HOATZ: variants seen among roughly 807,000 people sequenced by gnomAD.
HOATZ encodes cilia- and flagella-associated protein HOATZ.
HOATZ carries 26 observed loss-of-function variants against 24.9 expected under a neutral mutation model. The ratio of observed to expected loss-of-function variants is 1.04; its 90% CI spans 0.76 to 1.45. HOATZ has a LOEUF of 1.45. Ranked by LOEUF, HOATZ falls within the 40% of genes most tolerant of loss-of-function variation. The pLI, the probability that HOATZ is intolerant of heterozygous loss-of-function variation, is 0.00. For synonymous variants in HOATZ, 83 were observed against 76.6 expected (o/e 1.08, Z -0.43); for missense variants, 226 against 201.5 (o/e 1.12, Z -0.74).
Position 111,515,003 on chromosome 11 carries a change from AG to A in HOATZ, c.222del (p.Ser75LeufsTer25). The A allele has an allele frequency of 1.2e-6, 2 of 1,612,334 alleles. No homozygotes were observed. The highest frequency in any genetic ancestry group is 1.7e-6 in the Non-Finnish European group (2 of 1,179,542). On this transcript the variant is annotated frameshift_variant, in exon 1 of 6. Coordinates refer to ENST00000375618, the MANE Select transcript of HOATZ (RefSeq NM_001100388.2). LOFTEE classifies it high-confidence loss of function. Reference sequence around the variant, plus strand: ...CGGTGGCGCGGCCCAGGAGGAGCAGAGGGTCTGGTGAGTAGAATAGCGGCCT... The same window carrying A: ...CGGTGGCGCGGCCCAGGAGGAGCAGAGGTCTGGTGAGTAGAATAGCGGCCT... Reference protein sequence around the residue: ...LPVARPRRSRGSENSHSSQSF... With the variant: ...LPVARPRRSRXSENSHSSQSF...
intron 3 of HOATZ, among the ~76,000 whole-genome samples, chr11:111,528,197 G>A (rs1867359790): frequency 6.6e-6 from 1 of 152,062 alleles, no homozygotes; most frequent in Non-Finnish European, 1.5e-5. Flanking sequence ...ACTAAGCGTG[G>A]TGGCATGTGC....
intron 3 of HOATZ, 149 bp from the exon 4 acceptor site, chr11:111,533,597 T>G (rs1347414561): frequency 2.6e-5 from 13 of 507,188 alleles, no homozygotes; most frequent in Non-Finnish European, 4.4e-5. Context: ...AACAGGATTT[T>G]GGCACAAACA....
chr11:111,531,960 C>G (rs929993352), intron 3 of HOATZ, among the ~76,000 whole-genome samples: 1 of 152,178 alleles, frequency 6.6e-6, no homozygotes, highest in Non-Finnish European at 1.5e-5. Context: ...GCTTCTGGGG[C>G]TTTGCACACG....
At chr11:111,519,756 G>T (rs1867248730) in intron 3 of HOATZ, among the ~76,000 whole-genome samples, 1 of 151,914 alleles carries the variant, frequency 6.6e-6, no homozygotes, top group South Asian at 2.1e-4. Context: ...GTAAATTCCA[G>T]GTATAATTTT....
At chr11:111,530,427 A>G (rs1465314196) in intron 3 of HOATZ, among the ~76,000 whole-genome samples, 8 of 152,262 alleles carry the variant, frequency 5.3e-5, no homozygotes, top group African/African-American at 1.7e-4. Flanking sequence ...AGAACCAGAC[A>G]ATTTAACTCT....
Position 111,514,949 on chromosome 11 carries a change from G to A in HOATZ, c.165G>A (p.Val55=). ...ATCCCCCTAGCGAATCTCAGCTGGT[G>A]CTGCGCAGAGACAGCAGTCAGCGTC... is the stretch of plus-strand genomic sequence containing the variant. The part of the protein sequence containing the change: ...SMYPPSESQL[V]LRRDSSQRLP... Residue 55 remains valine, a synonymous_variant, in exon 1 of 6, where the codon GTG becomes GTA. Coordinates refer to ENST00000375618, the MANE Select transcript of HOATZ (RefSeq NM_001100388.2). 6.2e-7 allele frequency: 1 copy of A among 1,613,962 alleles called. No homozygotes were observed. Among genetic ancestry groups the A allele is most frequent in the Non-Finnish European group, 8.5e-7 (1 of 1,180,024 alleles).
At chr11:111,531,312 TC>T (rs1219732264) in intron 3 of HOATZ, among the ~76,000 whole-genome samples, 32 of 152,126 alleles carry the variant, frequency 2.1e-4, no homozygotes, top group Non-Finnish European at 3.7e-4. Context: ...TCAATTCAAT[TC>T]AATTCAACAA....
Position 111,533,693 on chromosome 11 carries a change from CGTAA to C in HOATZ, c.340-50_340-47del, listed in dbSNP as rs147855101. ...ATGGAAGAATTCTACCTTTCGTAGG[CGTAA>C]GTCTTTATTATTGAATCGAGACACC... On this transcript the variant is annotated intron_variant, in intron 3 of 5. Coordinates refer to ENST00000375618, the MANE Select transcript of HOATZ (RefSeq NM_001100388.2). The C allele has an allele frequency of 4.5e-3, 5,504 of 1,230,580 alleles. 171 individuals are homozygous for C. In the African/African-American group the frequency reaches 0.074, roughly 17 times the overall value. 76.2% of individuals were successfully genotyped at this position (1,230,580 alleles called of 1,614,324 possible). A position where few individuals can be genotyped will look rare whatever the true frequency, so the allele number is the denominator to read the frequency against.
At chr11:111,534,521 G>A in intron 5 of HOATZ, 57 bp downstream of exon 5, 2 of 1,342,214 alleles carry the variant, frequency 1.5e-6, no homozygotes, top group Non-Finnish European at 2.1e-6. Flanking sequence ...GTGTAGGGAA[G>A]CATTTCTTTT....
chr11:111,528,824 GCA>G (rs1867366202), intron 3 of HOATZ, among the ~76,000 whole-genome samples: 1 of 152,176 alleles, frequency 6.6e-6, no homozygotes, highest in Non-Finnish European at 1.5e-5. Context: ...GTGTGTGTGT[GCA>G]TGTGTCTGAA....
At chr11:111,536,690 C>G (rs537345023) in intron 5 of HOATZ, 80 bp from the exon 6 acceptor site, 7 of 1,181,660 alleles carry the variant, frequency 5.9e-6, no homozygotes, top group Non-Finnish European at 8.8e-6. Context: ...GGAGAATTTT[C>G]AAAAGTTGTT....
intron 3 of HOATZ, among the ~76,000 whole-genome samples, chr11:111,531,291 T>A (rs769288606): frequency 3.0e-5 from 2 of 66,624 alleles, no homozygotes; most frequent in East Asian, 9.0e-4. Flanking sequence ...CATTCATACA[T>A]CATGACTCAA....
At chr11:111,519,169 T>C (rs1040996635) in intron 3 of HOATZ, 2 of 378,140 alleles carry the variant, frequency 5.3e-6, no homozygotes, top group Non-Finnish European at 1.0e-5. Flanking sequence ...TTTAATATCC[T>C]CCTCATAGAG....
chr11:111,520,527 T>C (rs1867257415), intron 3 of HOATZ, among the ~76,000 whole-genome samples: 1 of 152,174 alleles, frequency 6.6e-6, no homozygotes, highest in African/African-American at 2.4e-5. Flanking sequence ...ATGTCCATAG[T>C]ATAAGTCTTC....
chr11:111,528,612 C>T (rs993196934), intron 3 of HOATZ, among the ~76,000 whole-genome samples: 6 of 152,194 alleles, frequency 3.9e-5, no homozygotes, highest in African/African-American at 1.4e-4. Context: ...ATGATACCTT[C>T]AAATAAGTAA....
chr11:111,524,182 A>G (rs1049498929), intron 3 of HOATZ, among the ~76,000 whole-genome samples: 2 of 152,356 alleles, frequency 1.3e-5, no homozygotes, highest in Admixed American at 1.3e-4. Context: ...AACTTGCAAG[A>G]ATAGCATTAA....
At chr11:111,536,065 A>ATT (rs147623464) in intron 5 of HOATZ, 4 of 152,040 alleles carry the variant, frequency 2.6e-5, no homozygotes, top group African/African-American at 9.7e-5. Context: ...CTTTTCTCAT[A>ATT]TTTTTTGTAT....
intron 3 of HOATZ, among the ~76,000 whole-genome samples, chr11:111,518,327 C>T (rs1867231260): frequency 6.6e-6 from 1 of 152,112 alleles, no homozygotes; most frequent in Non-Finnish European, 1.5e-5. Flanking sequence ...TCAATTTGAA[C>T]AATGCCAAAA....
At chr11:111,531,033 A>C (rs917539085) in intron 3 of HOATZ, among the ~76,000 whole-genome samples, 14 of 152,226 alleles carry the variant, frequency 9.2e-5, no homozygotes, top group Non-Finnish European at 1.9e-4. Context: ...AAGGAAAAAA[A>C]TGAATGAATA....
Sources: gnomAD v4.1 joint callset for allele counts (sites outside exome capture counted in the v4.1 genomes callset) on GRCh38, gnomAD v4.1.1 for gene constraint, MANE v1.5 for transcripts, NCBI Gene and HGNC (gene_info 2026-07-23, HGNC 2026-07-21) for gene names.